Variants in LRRC17 observed in about 807,000 individuals in gnomAD.
LRRC17 encodes the protein leucine-rich repeat-containing protein 17.
A neutral mutation model predicts 41.5 loss-of-function variants in LRRC17; 33 were observed. That is an observed-to-expected ratio of 0.80 (90% CI 0.60 to 1.06). The LOEUF (loss-of-function observed/expected upper bound fraction) is 1.06. Ranked by LOEUF, LRRC17 falls within the 50% of genes least tolerant of loss-of-function variation. LRRC17 has a pLI of 0.00. For synonymous variants in LRRC17, 192 were observed against 197.0 expected (o/e 0.97, Z 0.21); for missense variants, 491 against 519.3 (o/e 0.95, Z 0.53).
At chr7:102,915,823 T>C (rs959855370) in intron 1 of LRRC17, among the ~76,000 whole-genome samples, 2 of 152,204 alleles carry the variant, frequency 1.3e-5, no homozygotes, top group African/African-American at 4.8e-5. Context: ...CTGCTGTGAT[T>C]GTGAACTATC....
At chr7:102,920,923 G>C (rs991765966) in intron 1 of LRRC17, among the ~76,000 whole-genome samples, 2 of 152,148 alleles carry the variant, frequency 1.3e-5, no homozygotes, top group African/African-American at 4.8e-5. Flanking sequence ...GGAGGCCGAG[G>C]TGGGCGGATC....
At chr7:102,914,084 G>A (rs978022008) in intron 1 of LRRC17, among the ~76,000 whole-genome samples, 1 of 152,048 alleles carries the variant, frequency 6.6e-6, no homozygotes, top group South Asian at 2.1e-4. Context: ...TTTTTGAGAC[G>A]AAGTTTCGCT....
At chr7:102,916,895 T>C (rs1354633393) in intron 1 of LRRC17, among the ~76,000 whole-genome samples, 2 of 152,202 alleles carry the variant, frequency 1.3e-5, no homozygotes. Flanking sequence ...ACAAAGATTT[T>C]TTTTTCTCCT....
At position 102,915,601 on chromosome 7, in the gene LRRC17, A is replaced by T. The variant is rs146466583; in HGVS notation, c.-141+2456A>T. ...TGCTTAACTTTTTTTAATGTCACAG[A>T]CACCTTTGGCTTTTGGCAGTCAGCT... is the stretch of plus-strand genomic sequence containing the variant. On this transcript the variant is annotated intron_variant, in intron 1 of 3. Coordinates refer to ENST00000339431, the MANE Select transcript of LRRC17 (RefSeq NM_001031692.3). Among the ~76,000 whole-genome samples, 568 of 152,326 alleles carry T rather than the reference A, an allele frequency of 3.7e-3. 5 individuals carry two copies. Among genetic ancestry groups the T allele is most frequent in the African/African-American group, 0.013 (561 of 41,578 alleles).
At chr7:102,928,269 TA>T (rs1248936822) in intron 1 of LRRC17, among the ~76,000 whole-genome samples, 1 of 152,160 alleles carries the variant, frequency 6.6e-6, no homozygotes, top group South Asian at 2.1e-4. Flanking sequence ...TCTTAGTACT[TA>T]AAAGAACTCA....
At chr7:102,915,370 G>A (rs1367244369) in intron 1 of LRRC17, among the ~76,000 whole-genome samples, 1 of 152,058 alleles carries the variant, frequency 6.6e-6, no homozygotes, top group Non-Finnish European at 1.5e-5. Context: ...TGAAATGATA[G>A]TAACACATTA....
chr7:102,917,249 G>T (rs1226066095), intron 1 of LRRC17, among the ~76,000 whole-genome samples: 1 of 152,192 alleles, frequency 6.6e-6, no homozygotes, highest in East Asian at 1.9e-4. Flanking sequence ...AGGCACTGGT[G>T]AGACTATAGA....
At chr7:102,933,716 A>T in intron 1 of LRRC17, 58 bp from the exon 2 acceptor site, 1 of 485,318 alleles carries the variant, frequency 2.1e-6, no homozygotes, top group South Asian at 3.4e-5. Flanking sequence ...CTTATCTGTC[A>T]GTAATACAGT....
intron 1 of LRRC17, among the ~76,000 whole-genome samples, chr7:102,921,562 C>G (rs767648307): frequency 6.6e-5 from 10 of 151,910 alleles, no homozygotes; most frequent in Admixed American, 2.0e-4. Flanking sequence ...TGCCTGTAGT[C>G]CCAGCTACTT....
intron 3 of LRRC17, among the ~76,000 whole-genome samples, chr7:102,939,862 G>T (rs1821055767): frequency 6.6e-6 from 1 of 151,872 alleles, no homozygotes; most frequent in Admixed American, 6.6e-5. Flanking sequence ...GTAATATATG[G>T]CAAATGGTCA....
At chr7:102,942,971 G>C (rs1821755681) in intron 3 of LRRC17, among the ~76,000 whole-genome samples, 1 of 152,052 alleles carries the variant, frequency 6.6e-6, no homozygotes, top group South Asian at 2.1e-4. Context: ...AGATTTCTTT[G>C]CTCTTAGAGG....
At chr7:102,921,334 A>T (rs1816974958) in intron 1 of LRRC17, among the ~76,000 whole-genome samples, 1 of 152,256 alleles carries the variant, frequency 6.6e-6, no homozygotes, top group African/African-American at 2.4e-5. Flanking sequence ...TCACTATTAT[A>T]ATGATGTATC....
intron 2 of LRRC17, among the ~76,000 whole-genome samples, chr7:102,939,126 T>C (rs757827447): frequency 1.2e-4 from 18 of 152,230 alleles, no homozygotes; most frequent in Non-Finnish European, 2.6e-4. Flanking sequence ...CAGGCTGCTT[T>C]CTAGAACCTA....
intron 1 of LRRC17, among the ~76,000 whole-genome samples, chr7:102,916,382 C>A (rs1026063790): frequency 1.3e-5 from 2 of 152,148 alleles, no homozygotes; most frequent in African/African-American, 4.8e-5. Context: ...CAGCTAAGAA[C>A]CTCTGGTTTA....
Position 102,944,625 on chromosome 7 carries a change from T to C in LRRC17, c.*18T>C. Reference sequence around the variant, plus strand: ...TAGGATAAGGTAGAAATTGTTCTGATTGTAATTAGTTTTGTATTTTCTATA... The same window carrying C: ...TAGGATAAGGTAGAAATTGTTCTGACTGTAATTAGTTTTGTATTTTCTATA... On this transcript the variant is annotated 3_prime_UTR_variant, in exon 4 of 4. Coordinates refer to ENST00000339431, the MANE Select transcript of LRRC17 (RefSeq NM_001031692.3). The C allele has an allele frequency of 6.4e-7, 1 of 1,561,884 alleles. No individual in the cohort carries two copies. Among genetic ancestry groups the C allele is most frequent in the South Asian group, 1.2e-5 (1 of 82,246 alleles).
intron 1 of LRRC17, among the ~76,000 whole-genome samples, chr7:102,925,931 ACT>A (rs1818031950): frequency 8.4e-6 from 1 of 119,230 alleles, no homozygotes; most frequent in South Asian, 3.0e-4. Flanking sequence ...ACAGAGCAAG[ACT>A]CTGTCTCAAA....
intron 1 of LRRC17, among the ~76,000 whole-genome samples, chr7:102,932,899 T>C (rs1451240750): frequency 6.6e-6 from 1 of 152,196 alleles, no homozygotes; most frequent in Non-Finnish European, 1.5e-5. Flanking sequence ...CTGGCCAGAA[T>C]AGTTATTTGA....
intron 1 of LRRC17, among the ~76,000 whole-genome samples, chr7:102,925,318 C>A (rs1426811943): frequency 6.6e-6 from 1 of 152,100 alleles, no homozygotes; most frequent in East Asian, 1.9e-4. Flanking sequence ...TTGTTTGAAG[C>A]CAGGAGATTG....
intron 3 of LRRC17, among the ~76,000 whole-genome samples, chr7:102,940,216 TG>T (rs947323549): frequency 1.7e-4 from 24 of 140,972 alleles, no homozygotes; most frequent in African/African-American, 6.4e-4. Flanking sequence ...TTTTTTTGTT[TG>T]TTTTTTTTTT....
Sources: gnomAD v4.1 joint callset for allele counts (sites outside exome capture counted in the v4.1 genomes callset) on GRCh38, gnomAD v4.1.1 for gene constraint, MANE v1.5 for transcripts, NCBI Gene and HGNC (gene_info 2026-07-23, HGNC 2026-07-21) for gene names.